ZSCAN25: variants seen among roughly 807,000 people sequenced by gnomAD.
ZSCAN25 encodes zinc finger and SCAN domain containing 25.
Under a neutral mutation model 38.7 loss-of-function variants are expected in ZSCAN25, and 27 were observed. The ratio of observed to expected loss-of-function variants is 0.70; its 90% CI spans 0.51 to 0.96. The LOEUF is 0.96. Ranked by LOEUF, ZSCAN25 falls within the 40% of genes least tolerant of loss-of-function variation. The pLI, the probability that ZSCAN25 is intolerant of heterozygous loss-of-function variation, is 0.00. For missense variants in ZSCAN25, 637 were observed against 705.9 expected, an observed-to-expected ratio of 0.90 and a Z score of 1.11; for synonymous variants, 273 against 277.7, an observed-to-expected ratio of 0.98 and a Z score of 0.17.
the ZSCAN25 span, among the ~76,000 whole-genome samples, chr7:99,654,470 C>A: frequency 3.3e-5 from 5 of 152,136 alleles, no homozygotes; most frequent in Admixed American, 2.6e-4. Flanking sequence ...TTTTCTTAAT[C>A]CAGTCTATCA....
At chr7:99,673,923 C>T in the ZSCAN25 span, among the ~76,000 whole-genome samples, 568 of 152,266 alleles carry the variant, frequency 3.7e-3, 8 homozygotes, top group African/African-American at 0.012. Context: ...CTGAAGACCT[C>T]GATACCTGGT....
chr7:99,703,800 A>G, the ZSCAN25 span, among the ~76,000 whole-genome samples: 5 of 151,862 alleles, frequency 3.3e-5, no homozygotes, highest in Admixed American at 6.6e-5. Context: ...TCCATGCTCT[A>G]TTTAGGCTCT....
downstream of ZSCAN25, among the ~76,000 whole-genome samples, chr7:99,636,046 C>CAAAAAAAAA (rs780898445): frequency 2.3e-5 from 1 of 43,406 alleles, no homozygotes; most frequent in African/African-American, 6.9e-5. Flanking sequence ...GACTCCATCT[C>CAAAAAAAAA]AAAAAAAAAA....
At chr7:99,660,245 T>TTA in the ZSCAN25 span, 5 of 738,730 alleles carry the variant, frequency 6.8e-6, no homozygotes, top group Non-Finnish European at 8.2e-6. Context: ...TTTTTTTTTT[T>TTA]ACTTAGCATT....
chr7:99,704,619 T>G, the ZSCAN25 span, among the ~76,000 whole-genome samples: 3 of 152,000 alleles, frequency 2.0e-5, no homozygotes, highest in East Asian at 5.8e-4. Context: ...CTATGAATAT[T>G]CTTTCTAAAC....
chr7:99,716,889 A>G, the ZSCAN25 span, among the ~76,000 whole-genome samples: 1 of 152,172 alleles, frequency 6.6e-6, no homozygotes, highest in Non-Finnish European at 1.5e-5. Flanking sequence ...ATACAATCAC[A>G]CTTTTCCCCC....
At chr7:99,724,160 C>A in the ZSCAN25 span, among the ~76,000 whole-genome samples, 1 of 152,166 alleles carries the variant, frequency 6.6e-6, no homozygotes, top group Non-Finnish European at 1.5e-5. Flanking sequence ...GGCAACCTTC[C>A]AGCCTCCACT....
chr7:99,672,715 A>T, the ZSCAN25 span: 1 of 1,612,206 alleles, frequency 6.2e-7, no homozygotes, highest in Non-Finnish European at 8.5e-7. Context: ...AAACTTCACT[A>T]GCCCGATTCT....
At chr7:99,696,147 T>C in the ZSCAN25 span, among the ~76,000 whole-genome samples, 2 of 152,172 alleles carry the variant, frequency 1.3e-5, no homozygotes, top group Non-Finnish European at 2.9e-5. Context: ...CAGGAAGGAA[T>C]TCTTCCAGGG....
the ZSCAN25 span, chr7:99,685,007 C>T: frequency 3.1e-6 from 2 of 650,026 alleles, no homozygotes; most frequent in Admixed American, 2.7e-5. Context: ...TGTACAGAAT[C>T]CCTGGTTATT....
chr7:99,623,978 G>A, intron 6 of ZSCAN25, 79 bp from the exon 7 acceptor site: 5 of 1,595,508 alleles, frequency 3.1e-6, no homozygotes, highest in Non-Finnish European at 4.3e-6. Flanking sequence ...TGGTTGGGAG[G>A]AAGTTGGATT....
downstream of ZSCAN25, among the ~76,000 whole-genome samples, chr7:99,637,177 A>G (rs1808315688): frequency 6.6e-6 from 1 of 152,190 alleles, no homozygotes; most frequent in Non-Finnish European, 1.5e-5. Context: ...ATTTTTTTCA[A>G]CTAGGTAAAA....
At chr7:99,617,341 T>G (rs1365854530) in intron 1 of ZSCAN25, among the ~76,000 whole-genome samples, 5 of 152,122 alleles carry the variant, frequency 3.3e-5, no homozygotes, top group Admixed American at 1.3e-4. Flanking sequence ...CTGTGCAAAG[T>G]GAAAGTAATC....
At chr7:99,688,755 A>G in the ZSCAN25 span, among the ~76,000 whole-genome samples, 1 of 152,188 alleles carries the variant, frequency 6.6e-6, no homozygotes, top group Non-Finnish European at 1.5e-5. Context: ...AAAATTGACC[A>G]CATAGTTGGA....
chr7:99,730,943 A>G, the ZSCAN25 span: 12 of 1,374,012 alleles, frequency 8.7e-6, no homozygotes, highest in Non-Finnish European at 1.2e-5. Flanking sequence ...CCTACACGCT[A>G]TTTCTGAAAG....
the ZSCAN25 span, among the ~76,000 whole-genome samples, chr7:99,736,454 A>G: frequency 1.3e-5 from 2 of 152,210 alleles, no homozygotes; most frequent in African/African-American, 4.8e-5. Flanking sequence ...GAGGCCTGTA[A>G]TAACAGTTGC....
At chr7:99,707,895 T>C in the ZSCAN25 span, 1 of 1,614,082 alleles carries the variant, frequency 6.2e-7, no homozygotes. Flanking sequence ...GCAAACCTCA[T>C]GCCAATGCAG....
the ZSCAN25 span, chr7:99,714,668 G>C: frequency 1.2e-6 from 2 of 1,612,202 alleles, no homozygotes; most frequent in East Asian, 2.2e-5. Flanking sequence ...ATTGGGGTAA[G>C]GAATGGAAAG....
At chr7:99,636,500 A>G (rs1372815798), downstream of ZSCAN25, among the ~76,000 whole-genome samples, 1 of 152,192 alleles carries the variant, frequency 6.6e-6, no homozygotes, top group Non-Finnish European at 1.5e-5. Context: ...TCCATTATAC[A>G]ATATGGCCAA....
Sources: gnomAD v4.1 joint callset for allele counts (sites outside exome capture counted in the v4.1 genomes callset) on GRCh38, gnomAD v4.1.1 for gene constraint, MANE v1.5 for transcripts, NCBI Gene and HGNC (gene_info 2026-07-23, HGNC 2026-07-21) for gene names.